The following TIMP2 variants were observed in gnomAD, a reference collection of about 807,000 sequenced individuals.
TIMP2 encodes the protein TIMP metallopeptidase inhibitor 2, also known as metalloproteinase inhibitor 2.
In TIMP2, 5 loss-of-function variants were observed where a neutral mutation model predicts 24.3. The ratio of observed to expected loss-of-function variants is 0.21; its 90% CI spans 0.11 to 0.43. The LOEUF is 0.43. TIMP2 is among the 20% of genes least tolerant of loss of function. The pLI, the probability that TIMP2 is intolerant of heterozygous loss-of-function variation, is 1.00. For synonymous variants in TIMP2, 130 were observed against 123.2 expected, an observed-to-expected ratio of 1.06 and a Z score of -0.37; for missense variants, 221 against 297.5, an observed-to-expected ratio of 0.74 and a Z score of 1.89.
chr17:78,872,111 C>T (rs560575552), intron 2 of TIMP2, among the ~76,000 whole-genome samples: 2 of 151,426 alleles, frequency 1.3e-5, no homozygotes, highest in East Asian at 3.9e-4. Context: ...ACCTCAGCCT[C>T]CCGAGTAGCT....
intron 3 of TIMP2, among the ~76,000 whole-genome samples, chr17:78,860,913 G>A (rs1400405396): frequency 2.0e-5 from 3 of 151,900 alleles, no homozygotes; most frequent in African/African-American, 4.8e-5. Flanking sequence ...GTGCATGCCT[G>A]TAATCCCAGC....
At chr17:78,895,627 C>G (rs1023403313) in intron 1 of TIMP2, among the ~76,000 whole-genome samples, 2 of 152,196 alleles carry the variant, frequency 1.3e-5, no homozygotes, top group Non-Finnish European at 2.9e-5. Context: ...GATTCCACTC[C>G]TAGGTCTATA....
chr17:78,858,191 C>G (rs762101254), intron 3 of TIMP2, among the ~76,000 whole-genome samples: 22 of 152,132 alleles, frequency 1.4e-4, no homozygotes, highest in Non-Finnish European at 2.5e-4. Flanking sequence ...GCCTGTAATC[C>G]CAGCACTTTG....
chr17:78,892,393 A>C, intron 1 of TIMP2: 1 of 1,550,516 alleles, frequency 6.4e-7, no homozygotes, highest in Non-Finnish European at 8.7e-7. Flanking sequence ...TGGAGCCAAG[A>C]GTGGAGGGTT....
At chr17:78,899,821 A>C (rs2070062598) in intron 1 of TIMP2, 1 of 152,226 alleles carries the variant, frequency 6.6e-6, no homozygotes, top group Non-Finnish European at 1.5e-5. Context: ...CAACCCTCCA[A>C]GGGAACAAAG....
intron 1 of TIMP2, among the ~76,000 whole-genome samples, chr17:78,917,136 C>CA (rs1194194400): frequency 1.1e-4 from 16 of 151,418 alleles, no homozygotes; most frequent in Admixed American, 1.3e-4. Context: ...CCTGTAGTCC[C>CA]AGCTACTTGG....
intron 1 of TIMP2, among the ~76,000 whole-genome samples, chr17:78,913,538 T>C (rs58972669): frequency 0.049 from 7,519 of 151,948 alleles, 474 homozygotes; most frequent in African/African-American, 0.14. Flanking sequence ...TGGCAAAACC[T>C]CGTCTCGACA....
At chr17:78,921,732 G>A (rs2070310046) in intron 1 of TIMP2, among the ~76,000 whole-genome samples, 1 of 152,190 alleles carries the variant, frequency 6.6e-6, no homozygotes, top group African/African-American at 2.4e-5. Context: ...CAAGGACCTG[G>A]GGCCTTCCAG....
chr17:78,893,293 GT>G (rs2069939744), intron 1 of TIMP2, among the ~76,000 whole-genome samples: 1 of 129,986 alleles, frequency 7.7e-6, no homozygotes, highest in African/African-American at 4.4e-5. Context: ...GGGCAAGGGT[GT>G]GTGTGCAGGG....
chr17:78,896,842 G>C lies in TIMP2; in HGVS notation c.131-22923C>G, dbSNP rs551987847. On this transcript the variant is annotated intron_variant, in intron 1 of 4. Coordinates refer to ENST00000262768, the MANE Select transcript of TIMP2 (RefSeq NM_003255.5). This position sits in a 1 kb window ranked among gnomAD's most constrained non-coding sequence, Gnocchi z 4.4. Reference sequence around the variant, plus strand: ...CTCTCTACAGCCCCGTGGCCCCAGCGCAGGAGCCAGCCCATGGCAGCTCCA... The same window carrying C: ...CTCTCTACAGCCCCGTGGCCCCAGCCCAGGAGCCAGCCCATGGCAGCTCCA... The C allele has an allele frequency of 2.4e-6, 2 of 825,818 alleles. No homozygotes were observed. The highest frequency in any genetic ancestry group is 1.1e-4 in the South Asian group (2 of 18,198). 51.2% of individuals were successfully genotyped at this position (825,818 alleles called of 1,614,324 possible).
chr17:78,871,208 T>C (rs1207414255), intron 2 of TIMP2, among the ~76,000 whole-genome samples: 1 of 151,984 alleles, frequency 6.6e-6, no homozygotes, highest in Non-Finnish European at 1.5e-5. Flanking sequence ...TCCCAGCACT[T>C]TGGGAGGCTG....
chr17:78,869,947 G>A (rs1411688090), intron 3 of TIMP2, among the ~76,000 whole-genome samples: 2 of 152,294 alleles, frequency 1.3e-5, no homozygotes, highest in East Asian at 3.9e-4. Flanking sequence ...GAGGCCCCTG[G>A]AGTAGTCAAA....
In TIMP2 at chr17:78,880,613, T is replaced by C. The variant is rs376471618; in HGVS notation, c.131-6694A>G. Among the ~76,000 whole-genome samples the C allele has an allele frequency of 3.3e-5, 5 of 152,132 alleles. No homozygotes were observed. In the South Asian group the frequency reaches 1.0e-3, roughly 32 times the overall value. On this transcript the variant is annotated intron_variant, in intron 1 of 4. Transcript: ENST00000262768. ...CTATAGTCCCAGCTACTCAGGAGAA[T>C]TGTATGAACTAGATGTTCAAGGCTG... is the stretch of plus-strand genomic sequence containing the variant.
At chr17:78,893,145 A>G (rs1030143961) in intron 1 of TIMP2, among the ~76,000 whole-genome samples, 8 of 115,258 alleles carry the variant, frequency 6.9e-5, no homozygotes, top group Non-Finnish European at 1.3e-4. Flanking sequence ...GTGTGTGCGT[A>G]CATGTGTGTG....
intron 1 of TIMP2, among the ~76,000 whole-genome samples, chr17:78,917,823 C>T (rs970298533): frequency 4.6e-5 from 7 of 152,176 alleles, no homozygotes; most frequent in African/African-American, 1.2e-4. Flanking sequence ...AGTGTCTGAG[C>T]GGATCCTGGC....
rs1247076450 is a variant in TIMP2 at position 78,891,730 on chromosome 17, A to G, written c.131-17811T>C. ...CCACAAGCCCGATTTCTCCCACAGC[A>G]GCCACGAGTGGGTTTGACCTTTCTA... On this transcript the variant is annotated intron_variant, in intron 1 of 4. Coordinates refer to ENST00000262768, the MANE Select transcript of TIMP2 (RefSeq NM_003255.5). The surrounding 1 kb of genome is among the most constrained non-coding windows in gnomAD (Gnocchi z 4.5). The G allele has an allele frequency of 5.8e-6, 9 of 1,551,094 alleles. No individual in the cohort carries two copies. Among genetic ancestry groups the G allele is most frequent in the Non-Finnish European group, 7.0e-6 (8 of 1,147,144 alleles).
At chr17:78,858,267 C>G (rs1416826517) in intron 3 of TIMP2, among the ~76,000 whole-genome samples, 2 of 151,740 alleles carry the variant, frequency 1.3e-5, no homozygotes, top group African/African-American at 2.4e-5. Context: ...ACGGTGAAAC[C>G]CCCGTCTCTA....
At chr17:78,914,494 G>C (rs1034327002) in intron 1 of TIMP2, among the ~76,000 whole-genome samples, 3 of 151,822 alleles carry the variant, frequency 2.0e-5, no homozygotes, top group African/African-American at 7.3e-5. Context: ...TGTTGGCCAG[G>C]CTGGTCTCGA....
At position 78,896,730 on chromosome 17, in the gene TIMP2, A is replaced by C. The variant is rs542566138; in HGVS notation, c.131-22811T>G. On this transcript the variant is annotated intron_variant, in intron 1 of 4. Transcript: ENST00000262768. This position sits in a 1 kb window ranked among gnomAD's most constrained non-coding sequence, Gnocchi z 4.4. Reference sequence around the variant, plus strand: ...AAGCCGCGCTCGGAGCAGCAGAAGGAAGGCGAGTGGACACCAATCTGGCCT... The same window carrying C: ...AAGCCGCGCTCGGAGCAGCAGAAGGCAGGCGAGTGGACACCAATCTGGCCT... Among the ~76,000 whole-genome samples the C allele has an allele frequency of 3.9e-5, 6 of 152,142 alleles. No homozygotes were observed. The highest frequency in any genetic ancestry group is 6.5e-5 in the Admixed American group (1 of 15,282).
Sources: gnomAD v4.1 joint callset for allele counts (sites outside exome capture counted in the v4.1 genomes callset) on GRCh38, gnomAD v4.1.1 for gene constraint, Gnocchi (gnomAD v3.1) non-coding constraint, MANE v1.5 for transcripts, NCBI Gene and HGNC (gene_info 2026-07-23, HGNC 2026-07-21) for gene names.